The following ALKBH3 variants were observed in gnomAD, a reference collection of about 807,000 sequenced individuals.
ALKBH3 encodes alkB homolog 3, alpha-ketoglutarate dependent dioxygenase.
ALKBH3 carries 51 observed loss-of-function variants against 43.9 expected under a neutral mutation model. The observed-to-expected ratio is 1.16, with a 90% CI of 0.93 to 1.47. The LOEUF (loss-of-function observed/expected upper bound fraction) is 1.47. Ranked by LOEUF, ALKBH3 falls within the 40% of genes most tolerant of loss-of-function variation. The pLI is 0.00. For missense variants in ALKBH3, 361 were observed against 351.9 expected, an observed-to-expected ratio of 1.03 and a Z score of -0.21; for synonymous variants, 102 against 115.2, an observed-to-expected ratio of 0.89 and a Z score of 0.73.
intron 3 of ALKBH3, among the ~76,000 whole-genome samples, 188 bp downstream of exon 3, chr11:43,883,376 C>T (rs1471771092): frequency 6.6e-6 from 1 of 152,166 alleles, no homozygotes; most frequent in African/African-American, 2.4e-5. Context: ...GTAGTCTGCT[C>T]CCAGTTTATG....
chr11:43,904,731 G>A (rs1280508386), intron 8 of ALKBH3, among the ~76,000 whole-genome samples: 2 of 152,112 alleles, frequency 1.3e-5, no homozygotes, highest in African/African-American at 2.4e-5. Flanking sequence ...GAAAGGAAGC[G>A]ATTATTGCAC....
At chr11:43,914,749 A>G (rs1006364354) in intron 8 of ALKBH3, among the ~76,000 whole-genome samples, 2 of 152,244 alleles carry the variant, frequency 1.3e-5, no homozygotes, top group African/African-American at 4.8e-5. Context: ...AGCAAATGAG[A>G]AAAGCATTTG....
At chr11:43,899,447 G>C (rs35017547) in intron 7 of ALKBH3, 2 of 700,926 alleles carry the variant, frequency 2.9e-6, no homozygotes, top group Admixed American at 3.7e-5. Flanking sequence ...GATAGGCTCC[G>C]AGGATTTCAG....
intron 7 of ALKBH3, among the ~76,000 whole-genome samples, chr11:43,894,378 A>T (rs1050548055): frequency 6.6e-6 from 1 of 152,206 alleles, no homozygotes; most frequent in Non-Finnish European, 1.5e-5. Flanking sequence ...AATGTCTTTT[A>T]AGGATAAAAT....
intron 6 of ALKBH3, among the ~76,000 whole-genome samples, chr11:43,891,663 GTTGGTGCCAC>G (rs942168053): frequency 2.0e-5 from 3 of 151,794 alleles, no homozygotes; most frequent in Non-Finnish European, 4.4e-5. Context: ...TCACATGGAT[GTTGGTGCCAC>G]AAATTTCTGC....
rs1240948332 is a variant in ALKBH3 at position 43,883,200 on chromosome 11, G to GT, written c.183+18dup. ...AAGAACCTCAGCAGGTAAATTCATG[G>GT]TTTTTTCTTCAATAGTGATAAAAAT... On this transcript the variant is annotated intron_variant, in intron 3 of 9. Transcript: ENST00000302708. 1.2e-6 allele frequency: 2 copies of GT among 1,602,866 alleles called. No individual in the cohort carries two copies. Among genetic ancestry groups the GT allele is most frequent in the Non-Finnish European group, 1.7e-6 (2 of 1,172,656 alleles).
intron 4 of ALKBH3, among the ~76,000 whole-genome samples, chr11:43,885,686 T>C (rs1951741741): frequency 6.6e-6 from 1 of 152,222 alleles, no homozygotes; most frequent in Admixed American, 6.5e-5. Context: ...AGTAAACCTT[T>C]ATTGCCCATC....
In ALKBH3 at chr11:43,881,150, T is replaced by C. The variant is rs1340330947; in HGVS notation, c.-100T>C. The C allele has an allele frequency of 6.6e-6, 1 of 152,340 alleles. No individual in the cohort carries two copies. Among genetic ancestry groups the C allele is most frequent in the East Asian group, 1.9e-4 (1 of 5,194 alleles). 9.4% of individuals were successfully genotyped at this position (152,340 alleles called of 1,614,324 possible). A position where few individuals can be genotyped will look rare whatever the true frequency, so the allele number is the denominator to read the frequency against. ...AACCGTGCGGAAAGTGACTGCCCTGTTTACTGAGGAAAAACTGGGGCTCAG... is the reference window on the plus strand; with the variant it reads ...AACCGTGCGGAAAGTGACTGCCCTGCTTACTGAGGAAAAACTGGGGCTCAG... On this transcript the variant is annotated 5_prime_UTR_variant, in exon 1 of 10. Coordinates refer to ENST00000302708, the MANE Select transcript of ALKBH3 (RefSeq NM_139178.4).
intron 8 of ALKBH3, among the ~76,000 whole-genome samples, chr11:43,907,988 A>C (rs1369000199): frequency 6.6e-6 from 1 of 152,224 alleles, no homozygotes; most frequent in Non-Finnish European, 1.5e-5. Context: ...CTTGGGACCA[A>C]GGTAGAGAAG....
intron 6 of ALKBH3, among the ~76,000 whole-genome samples, chr11:43,891,292 A>T (rs964807484): frequency 6.6e-6 from 1 of 152,168 alleles, no homozygotes; most frequent in Admixed American, 6.5e-5. Flanking sequence ...AATTACAGTT[A>T]AGTAACTCTC....
intron 7 of ALKBH3, among the ~76,000 whole-genome samples, chr11:43,895,432 C>T (rs1197433986): frequency 6.6e-6 from 1 of 152,168 alleles, no homozygotes; most frequent in Non-Finnish European, 1.5e-5. Flanking sequence ...TGACTTTGCT[C>T]CTCCTTTGTC....
At chr11:43,900,582 A>G (rs1424849792) in intron 7 of ALKBH3, among the ~76,000 whole-genome samples, 1 of 152,180 alleles carries the variant, frequency 6.6e-6, no homozygotes, top group Non-Finnish European at 1.5e-5. Context: ...TTAATTTTAA[A>G]TATCATAAAA....
chr11:43,892,590 AT>A (rs1238795594), intron 7 of ALKBH3, among the ~76,000 whole-genome samples: 3 of 152,138 alleles, frequency 2.0e-5, no homozygotes, highest in African/African-American at 7.2e-5. Flanking sequence ...CTTCCGTCTG[AT>A]TTTGCTTTGG....
At chr11:43,919,567 T>C (rs1769156404) in intron 9 of ALKBH3, 1 of 295,854 alleles carries the variant, frequency 3.4e-6, no homozygotes, top group Non-Finnish European at 6.3e-6. Flanking sequence ...GGTGCACATG[T>C]TAATGTCAAA....
At chr11:43,884,996 T>C (rs1207653787) in intron 4 of ALKBH3, among the ~76,000 whole-genome samples, 1 of 152,092 alleles carries the variant, frequency 6.6e-6, no homozygotes, top group Admixed American at 6.6e-5. Context: ...GCTGAAATGA[T>C]CCTCCCACCT....
intron 8 of ALKBH3, among the ~76,000 whole-genome samples, chr11:43,913,904 C>T (rs1347652316): frequency 6.6e-6 from 1 of 152,188 alleles, no homozygotes; most frequent in African/African-American, 2.4e-5. Flanking sequence ...GGAAATTTCA[C>T]ATAAAAATCC....
intron 2 of ALKBH3, 159 bp downstream of exon 2, chr11:43,882,890 C>CTA: frequency 1.1e-6 from 1 of 925,110 alleles, no homozygotes; most frequent in South Asian, 1.8e-5. Flanking sequence ...TGATGGTGAG[C>CTA]TAAGGGTGGG....
intron 8 of ALKBH3, among the ~76,000 whole-genome samples, chr11:43,905,657 G>A (rs1294976337): frequency 2.6e-5 from 4 of 152,132 alleles, no homozygotes; most frequent in Non-Finnish European, 5.9e-5. Context: ...TATTCTGGCT[G>A]TTGTCAGGCT....
Position 43,920,000 on chromosome 11 carries a change from C to G in ALKBH3, c.851C>G (p.Ala284Gly). ...FRTVYPDPRGAPW is the reference protein window; with the variant it reads ...FRTVYPDPRGGPW ...ACAGTCTATCCAGACCCTCGAGGGGCACCCTGGTGACGTCAGAGCTTTGAG... is the reference window on the plus strand; with the variant it reads ...ACAGTCTATCCAGACCCTCGAGGGGGACCCTGGTGACGTCAGAGCTTTGAG... The change falls in exon 10 of 10, where the codon GCA becomes GGA. Residue 284 changes from alanine (A) to glycine (G), a missense_variant. Transcript: ENST00000302708. The G allele has an allele frequency of 6.2e-7, 1 of 1,613,800 alleles. No individual in the cohort carries two copies. The highest frequency in any genetic ancestry group is 2.2e-5 in the East Asian group (1 of 44,876).
Sources: gnomAD v4.1 joint callset for allele counts (sites outside exome capture counted in the v4.1 genomes callset) on GRCh38, gnomAD v4.1.1 for gene constraint, MANE v1.5 for transcripts, NCBI Gene and HGNC (gene_info 2026-07-23, HGNC 2026-07-21) for gene names.